The following CTNNAL1 variants were observed in gnomAD, a reference collection of about 807,000 sequenced individuals.
CTNNAL1 encodes the protein catenin alpha like 1.
In CTNNAL1, 69 loss-of-function variants were observed where a neutral mutation model predicts 93.6. The ratio of observed to expected loss-of-function variants is 0.74; its 90% CI spans 0.61 to 0.90. The LOEUF (loss-of-function observed/expected upper bound fraction) is 0.90. CTNNAL1 is among the 40% of genes least tolerant of loss of function. CTNNAL1 has a pLI of 0.00. For missense variants in CTNNAL1, 836 were observed against 862.0 expected, an observed-to-expected ratio of 0.97 and a Z score of 0.38; for synonymous variants, 286 against 305.4, an observed-to-expected ratio of 0.94 and a Z score of 0.66.
chr9:108,984,601 T>C (rs1831544652), intron 4 of CTNNAL1, among the ~76,000 whole-genome samples, 165 bp from the exon 5 acceptor site: 2 of 147,168 alleles, frequency 1.4e-5, no homozygotes, highest in African/African-American at 5.0e-5. Flanking sequence ...TGCTTCAATA[T>C]AAACACATCA....
At chr9:109,004,027 A>G (rs1240373244) in intron 1 of CTNNAL1, among the ~76,000 whole-genome samples, 2 of 152,226 alleles carry the variant, frequency 1.3e-5, no homozygotes, top group Non-Finnish European at 1.5e-5. Flanking sequence ...TAGTGACAGT[A>G]TGCTACTTTT....
At chr9:109,006,559 T>C (rs1015159426) in intron 1 of CTNNAL1, among the ~76,000 whole-genome samples, 2 of 152,176 alleles carry the variant, frequency 1.3e-5, no homozygotes, top group African/African-American at 4.8e-5. Context: ...ATCTTAACTA[T>C]AGTTCTGCAA....
chr9:108,947,245 C>T (rs1279730675), intron 15 of CTNNAL1, among the ~76,000 whole-genome samples: 1 of 151,856 alleles, frequency 6.6e-6, no homozygotes, highest in Non-Finnish European at 1.5e-5. Flanking sequence ...TCCCAAGTAG[C>T]TGGGACTACA....
chr9:108,969,072 C>T (rs1178373899), intron 10 of CTNNAL1, among the ~76,000 whole-genome samples: 1 of 151,912 alleles, frequency 6.6e-6, no homozygotes, highest in African/African-American at 2.4e-5. Context: ...GGGTTTCAGA[C>T]CAGCCTGACC....
At chr9:108,973,826 A>G (rs2132134686) in intron 8 of CTNNAL1, among the ~76,000 whole-genome samples, 1 of 152,244 alleles carries the variant, frequency 6.6e-6, no homozygotes, top group African/African-American at 2.4e-5. Flanking sequence ...AAGTAATCCA[A>G]TCTCAATTCA....
At chr9:108,959,438 A>T (rs559261854) in intron 11 of CTNNAL1, among the ~76,000 whole-genome samples, 228 of 150,890 alleles carry the variant, frequency 1.5e-3, no homozygotes, top group Admixed American at 2.6e-3. Flanking sequence ...GAAAAAAATT[A>T]AAAAATCTGG....
rs768798455 is a variant in CTNNAL1, at chr9:108,952,310, G to A, written c.1734C>T (p.Asp578=). 8.1e-6 allele frequency: 13 copies of A among 1,614,156 alleles called. No individual in the cohort carries two copies. Among genetic ancestry groups the A allele is most frequent in the East Asian group, 2.2e-5 (1 of 44,870 alleles). ...LGLKLGLLTS[D]ADCEIEKWED... is the part of the protein sequence containing the mutation. ...CCCACTTCTCAATTTCGCAGTCAGC[G>A]TCAGAGGTGAGCAAACCCAGCTTAA... The change falls in exon 14 of 19, where the codon GAC becomes GAT. Residue 578 remains aspartate (D), a synonymous_variant. Transcript: ENST00000325551.
intron 11 of CTNNAL1, among the ~76,000 whole-genome samples, chr9:108,959,465 C>G (rs910466828): frequency 2.7e-5 from 4 of 150,900 alleles, no homozygotes; most frequent in African/African-American, 9.8e-5. Context: ...TGGCCAGCAC[C>G]TGTAGTTCTA....
At chr9:109,001,212 A>G (rs979748753) in intron 1 of CTNNAL1, among the ~76,000 whole-genome samples, 3 of 150,168 alleles carry the variant, frequency 2.0e-5, no homozygotes, top group Non-Finnish European at 3.0e-5. Context: ...ATTTTATTCT[A>G]TGTATTACAG....
chr9:108,981,890 A>C (rs555962831), intron 6 of CTNNAL1, among the ~76,000 whole-genome samples: 2 of 152,312 alleles, frequency 1.3e-5, no homozygotes, highest in East Asian at 3.9e-4. Flanking sequence ...GTGCCACCAC[A>C]CTCCAGCCCG....
At chr9:108,992,318 A>G (rs2132177216) in intron 3 of CTNNAL1, among the ~76,000 whole-genome samples, 1 of 152,326 alleles carries the variant, frequency 6.6e-6, no homozygotes, top group Middle Eastern at 3.4e-3. Context: ...TTTAAACTAC[A>G]GACAGAGTTA....
chr9:108,993,286 C>T (rs985140686), intron 2 of CTNNAL1, among the ~76,000 whole-genome samples: 8 of 152,126 alleles, frequency 5.3e-5, no homozygotes, highest in African/African-American at 7.2e-5. Flanking sequence ...TGGGTTTTCA[C>T]GGATCCTCAG....
At chr9:108,990,175 T>G (rs899495039) in intron 4 of CTNNAL1, among the ~76,000 whole-genome samples, 3 of 152,206 alleles carry the variant, frequency 2.0e-5, no homozygotes, top group African/African-American at 4.8e-5. Flanking sequence ...AAGTTTATCC[T>G]TGTCTCAGGT....
At chr9:108,972,864 G>GGGGGGCGCC in intron 8 of CTNNAL1, 31 bp from the exon 9 acceptor site, 1 of 142,586 alleles carries the variant, frequency 7.0e-6, no homozygotes, top group Non-Finnish European at 1.0e-5. Flanking sequence ...GGGGGGGTGG[G>GGGGGGCGCC]AGGGTGGAGA....
At chr9:108,943,630 G>A (rs1208167194) in intron 17 of CTNNAL1, 73 bp downstream of exon 17, 7 of 1,300,078 alleles carry the variant, frequency 5.4e-6, no homozygotes, top group Non-Finnish European at 7.4e-6. Context: ...GGTACTAACA[G>A]TTTATTTGAA....
At chr9:109,004,375 A>T (rs557405700) in intron 1 of CTNNAL1, among the ~76,000 whole-genome samples, 9 of 152,356 alleles carry the variant, frequency 5.9e-5, no homozygotes, top group African/African-American at 2.2e-4. Context: ...TATTTTACAA[A>T]TGAGGAAGTT....
chr9:108,957,481 G>A (rs1830714305), intron 11 of CTNNAL1, among the ~76,000 whole-genome samples: 1 of 152,112 alleles, frequency 6.6e-6, no homozygotes, highest in Non-Finnish European at 1.5e-5. Flanking sequence ...TGCTGATCTA[G>A]AAGAAGAACT....
At chr9:109,001,718 A>G (rs1310893293) in intron 1 of CTNNAL1, among the ~76,000 whole-genome samples, 3 of 152,218 alleles carry the variant, frequency 2.0e-5, no homozygotes, top group Non-Finnish European at 4.4e-5. Context: ...AGTGAACTTG[A>G]GAGCAGATTC....
intron 15 of CTNNAL1, among the ~76,000 whole-genome samples, chr9:108,947,545 A>G (rs1241402726): frequency 6.6e-6 from 1 of 152,238 alleles, no homozygotes; most frequent in Non-Finnish European, 1.5e-5. Flanking sequence ...ACAGGCTAAC[A>G]TGGGGATCAG....
Sources: gnomAD v4.1 joint callset for allele counts (sites outside exome capture counted in the v4.1 genomes callset) on GRCh38, gnomAD v4.1.1 for gene constraint, MANE v1.5 for transcripts, NCBI Gene and HGNC (gene_info 2026-07-23, HGNC 2026-07-21) for gene names.